The following UNC5D variants were observed in gnomAD, a reference collection of about 807,000 sequenced individuals.
UNC5D encodes unc-5 netrin receptor D, also known as netrin receptor UNC5D.
Under a neutral mutation model 105.4 loss-of-function variants are expected in UNC5D, and 39 were observed. That is an observed-to-expected ratio of 0.37 (90% CI 0.29 to 0.48). The LOEUF is 0.48. Ranked by LOEUF, UNC5D falls within the 20% of genes least tolerant of loss-of-function variation. The pLI is 0.98. For missense variants in UNC5D, 991 were observed against 1,202.4 expected (o/e 0.82, Z 2.60); for synonymous variants, 452 against 450.4 (o/e 1.00, Z -0.04).
At chr8:35,536,896 T>C (rs1226894914) in intron 1 of UNC5D, among the ~76,000 whole-genome samples, 1 of 152,124 alleles carries the variant, frequency 6.6e-6, no homozygotes, top group Admixed American at 6.6e-5. Flanking sequence ...CTCGGGAGGC[T>C]GAGGCAGGAG....
At position 35,481,475 on chromosome 8, in the gene UNC5D, T is replaced by C. The variant is rs1037838643; in HGVS notation, c.104-67817T>C. ...CAATCAAAACAGAAACCCCACCTTA[T>C]AGAACAGACTTGTACCAGGTCTTCA... On this transcript the variant is annotated intron_variant, in intron 1 of 16. Transcript: ENST00000404895. Among the ~76,000 whole-genome samples the C allele has an allele frequency of 1.1e-4, 16 of 152,272 alleles. No individual in the cohort carries two copies. In the East Asian group the frequency reaches 2.9e-3, roughly 28 times the overall value.
At chr8:35,289,360 A>T (rs1024157862) in intron 1 of UNC5D, among the ~76,000 whole-genome samples, 2 of 152,226 alleles carry the variant, frequency 1.3e-5, no homozygotes, top group Non-Finnish European at 2.9e-5. Context: ...ATACATATAG[A>T]AATTATTAAA....
intron 2 of UNC5D, among the ~76,000 whole-genome samples, chr8:35,561,704 A>G (rs1816979994): frequency 6.6e-6 from 1 of 152,174 alleles, no homozygotes; most frequent in Admixed American, 6.5e-5. Flanking sequence ...TAAGATGAGG[A>G]AAGTGAAAAA....
intron 4 of UNC5D, among the ~76,000 whole-genome samples, chr8:35,619,150 G>A (rs1821203375): frequency 6.6e-6 from 1 of 152,220 alleles, no homozygotes; most frequent in Non-Finnish European, 1.5e-5. Context: ...AGCATCTAAA[G>A]TAGAGTGTGT....
At chr8:35,543,024 T>C (rs1005987893) in intron 1 of UNC5D, among the ~76,000 whole-genome samples, 3 of 152,196 alleles carry the variant, frequency 2.0e-5, no homozygotes, top group Admixed American at 2.0e-4. Context: ...TAGTCATCCA[T>C]TTTTGTGTAT....
chr8:35,460,862 T>C (rs1808835170), intron 1 of UNC5D, among the ~76,000 whole-genome samples: 1 of 152,238 alleles, frequency 6.6e-6, no homozygotes, highest in Non-Finnish European at 1.5e-5. Flanking sequence ...TCATTTGTCC[T>C]CACCATCAGC....
At chr8:35,528,267 A>G (rs968132855) in intron 1 of UNC5D, among the ~76,000 whole-genome samples, 28 of 151,308 alleles carry the variant, frequency 1.9e-4, no homozygotes, top group Admixed American at 6.6e-4. Flanking sequence ...TCATTGTTCA[A>G]TTCTCACCTA....
rs56157732 is a variant in UNC5D at position 35,413,292 on chromosome 8, T to TGTGTGTGTGTGTTGTG, written c.104-136000_104-135999insGTGTGTGTGTGTTGTG. Among the ~76,000 whole-genome samples, 1,092 of 128,008 alleles carry TGTGTGTGTGTGTTGTG rather than the reference T, an allele frequency of 8.5e-3. 8 individuals are homozygous for TGTGTGTGTGTGTTGTG. The highest frequency in any genetic ancestry group is 0.021 in the Middle Eastern group (5 of 234). 84.0% of individuals were successfully genotyped at this position (128,008 alleles called of 152,430 possible). Reference sequence around the variant, plus strand: ...GTGTGTGTGTGTGTGTGTGTGTGTGTTGTGTGTGTGTGTGTGTTTTCTCTC... The same window carrying TGTGTGTGTGTGTTGTG: ...GTGTGTGTGTGTGTGTGTGTGTGTGTGTGTGTGTGTGTTGTGTGTGTGTGTGTGTGTGTTTTCTCTC... On this transcript the variant is annotated intron_variant, in intron 1 of 16. Transcript: ENST00000404895.
At chr8:35,693,612 C>T (rs977129313) in intron 7 of UNC5D, among the ~76,000 whole-genome samples, 4 of 152,116 alleles carry the variant, frequency 2.6e-5, no homozygotes, top group African/African-American at 9.7e-5. Flanking sequence ...AGGTACAGAG[C>T]TAAGACACAA....
At chr8:35,784,278 T>C (rs1802638624) in intron 16 of UNC5D, among the ~76,000 whole-genome samples, 1 of 152,124 alleles carries the variant, frequency 6.6e-6, no homozygotes, top group Non-Finnish European at 1.5e-5. Flanking sequence ...TGAACTTACA[T>C]AGATGAATGT....
chr8:35,540,920 A>G (rs995766626), intron 1 of UNC5D, among the ~76,000 whole-genome samples: 3 of 152,146 alleles, frequency 2.0e-5, no homozygotes, highest in African/African-American at 7.2e-5. Flanking sequence ...CATTCAAAGA[A>G]TGCACAGCTG....
At chr8:35,554,995 A>T (rs992697557) in intron 2 of UNC5D, among the ~76,000 whole-genome samples, 6 of 152,212 alleles carry the variant, frequency 3.9e-5, no homozygotes, top group Admixed American at 1.3e-4. Flanking sequence ...TTAAAAGTTT[A>T]TATCTTAGAA....
intron 1 of UNC5D, among the ~76,000 whole-genome samples, chr8:35,283,276 A>T (rs553469646): frequency 6.6e-6 from 1 of 152,312 alleles, no homozygotes; most frequent in South Asian, 2.1e-4. Context: ...TACAAATACA[A>T]GAGTTGATTT....
intron 13 of UNC5D, among the ~76,000 whole-genome samples, chr8:35,754,826 T>C (rs571194122): frequency 1.4e-4 from 22 of 152,358 alleles, no homozygotes; most frequent in African/African-American, 4.6e-4. Flanking sequence ...TTTGTTTACC[T>C]GGCTAAGACA....
intron 4 of UNC5D, among the ~76,000 whole-genome samples, chr8:35,638,044 A>C (rs1430321014): frequency 1.3e-5 from 2 of 152,132 alleles, no homozygotes; most frequent in Non-Finnish European, 2.9e-5. Context: ...CTTTTATGGA[A>C]TCTTTTCTTC....
chr8:35,301,235 A>G (rs1301129214), intron 1 of UNC5D, among the ~76,000 whole-genome samples: 1 of 152,206 alleles, frequency 6.6e-6, no homozygotes, highest in Non-Finnish European at 1.5e-5. Context: ...GAAAGGATAC[A>G]AGATTCAACC....
intron 7 of UNC5D, among the ~76,000 whole-genome samples, chr8:35,687,651 C>CA (rs1436237530): frequency 6.6e-6 from 1 of 151,998 alleles, no homozygotes; most frequent in African/African-American, 2.4e-5. Flanking sequence ...CAACTAGAGT[C>CA]AAAGAGAAAT....
At chr8:35,790,214 C>A in intron 16 of UNC5D, 145 bp from the exon 17 acceptor site, 1 of 816,674 alleles carries the variant, frequency 1.2e-6, no homozygotes, top group Non-Finnish European at 1.9e-6. Flanking sequence ...AATTAGACTG[C>A]CCCAGACCTG....
chr8:35,516,467 G>A (rs1813098366), intron 1 of UNC5D, among the ~76,000 whole-genome samples: 1 of 152,160 alleles, frequency 6.6e-6, no homozygotes, highest in Admixed American at 6.5e-5. Context: ...GCACAGCCAC[G>A]GCAGTATGTT....
Sources: allele counts gnomAD v4.1 joint callset (sites outside exome capture counted in the v4.1 genomes callset), GRCh38; gene constraint gnomAD v4.1.1; transcripts MANE v1.5; gene names NCBI Gene and HGNC (gene_info 2026-07-23, HGNC 2026-07-21).